The following PDIA3 variants were observed in gnomAD, a reference collection of about 807,000 sequenced individuals.
PDIA3 encodes the protein protein disulfide isomerase family A member 3, also known as protein disulfide-isomerase A3.
A neutral mutation model predicts 56.9 loss-of-function variants in PDIA3; 16 were observed. The observed-to-expected ratio is 0.28, with a 90% CI of 0.19 to 0.43. The LOEUF is 0.43. Among genes scored for constraint, PDIA3 ranks in the 20% least tolerant of loss-of-function variants. PDIA3 has a pLI of 1.00. For missense variants in PDIA3, 485 were observed against 621.3 expected (o/e 0.78, Z 2.33); for synonymous variants, 192 against 216.5 (o/e 0.89, Z 0.99).
chr15:43,760,219 C>A (rs2086805470), intron 3 of PDIA3, among the ~76,000 whole-genome samples: 2 of 151,860 alleles, frequency 1.3e-5, no homozygotes, highest in Non-Finnish European at 2.9e-5. Context: ...AGTGAGACCC[C>A]GTCTTTATAA....
At chr15:43,749,518 G>T (rs1032307464) in intron 1 of PDIA3, among the ~76,000 whole-genome samples, 1 of 152,172 alleles carries the variant, frequency 6.6e-6, no homozygotes. Context: ...ATGGGGTCTG[G>T]CCCTGTTGTG....
chr15:43,766,987 A>G, intron 8 of PDIA3, 77 bp downstream of exon 8: 2 of 1,283,096 alleles, frequency 1.6e-6, no homozygotes, highest in Non-Finnish European at 2.3e-6. Context: ...TCTAAAGAAC[A>G]ATAACCCTGG....
At chr15:43,752,623 A>G (rs142704078) in intron 1 of PDIA3, among the ~76,000 whole-genome samples, 1,579 of 152,306 alleles carry the variant, frequency 0.01, 13 homozygotes, top group Middle Eastern at 0.024. Context: ...TTTATACTTT[A>G]ATAGGCCGCC....
intron 9 of PDIA3, among the ~76,000 whole-genome samples, chr15:43,769,105 A>G (rs892840678): frequency 1.3e-5 from 2 of 151,850 alleles, no homozygotes; most frequent in Non-Finnish European, 2.9e-5. Context: ...TTTCTGATGA[A>G]ATTTATATTG....
rs149721349 is a variant in PDIA3 at position 43,756,672 on chromosome 15, C to T, written c.270C>T (p.Asn90=). ...LAKVDCTANT[N]TCNKYGVSGY... ...AGGTTGATTGCACTGCCAACACTAA[C>T]ACCTGTAATAAATATGGAGTCAGTG... Residue 90 remains asparagine, a synonymous_variant, in exon 3 of 13, where the codon AAC becomes AAT. Coordinates refer to ENST00000300289, the MANE Select transcript of PDIA3 (RefSeq NM_005313.5). The T allele has an allele frequency of 2.1e-4, 344 of 1,603,730 alleles. 2 individuals carry two copies. In the East Asian group the frequency reaches 7.2e-3, roughly 34 times the overall value.
In PDIA3 at chr15:43,771,669, T is replaced by A. The variant is rs1383957794; in HGVS notation, c.*451T>A. The A allele has an allele frequency of 7.5e-6, 3 of 398,818 alleles. No individual in the cohort carries two copies. The East Asian group carries it at 1.1e-4, about 14-fold the overall frequency. 24.7% of individuals were successfully genotyped at this position (398,818 alleles called of 1,614,324 possible). A position where few individuals can be genotyped will look rare whatever the true frequency, so the allele number is the denominator to read the frequency against. On this transcript the variant is annotated 3_prime_UTR_variant, in exon 13 of 13. Coordinates refer to ENST00000300289, the MANE Select transcript of PDIA3 (RefSeq NM_005313.5). ...TCAGTACAGGTAGCTACGGAGCATC[T>A]GAAATATGGCTAGAAACTACATTTT...
chr15:43,751,494 A>T, intron 1 of PDIA3: 2 of 796,616 alleles, frequency 2.5e-6, no homozygotes, highest in Non-Finnish European at 3.7e-6. Flanking sequence ...ATTGTGTTTT[A>T]ATATTTTCTA....
intron 12 of PDIA3, 139 bp from the exon 13 acceptor site, chr15:43,770,966 T>C: frequency 1.6e-6 from 1 of 642,138 alleles, no homozygotes; most frequent in South Asian, 2.0e-5. Context: ...TTTATTTAAC[T>C]AAAATCTCTT....
intron 12 of PDIA3, 63 bp downstream of exon 12, chr15:43,770,643 A>G (rs2086875577): frequency 1.9e-6 from 2 of 1,038,010 alleles, no homozygotes; most frequent in South Asian, 2.7e-5. Context: ...AACCTTAAAC[A>G]TAGTTCTTTA....
intron 3 of PDIA3, among the ~76,000 whole-genome samples, chr15:43,759,140 A>C (rs889179125): frequency 1.3e-5 from 2 of 151,998 alleles, no homozygotes; most frequent in African/African-American, 2.4e-5. Context: ...AATACAAAAA[A>C]TTAGCCGGGT....
At chr15:43,755,258 G>C (rs760315761) in intron 2 of PDIA3, among the ~76,000 whole-genome samples, 4 of 152,108 alleles carry the variant, frequency 2.6e-5, no homozygotes, top group Non-Finnish European at 5.9e-5. Flanking sequence ...ACCCAGGGGG[G>C]CGGAGGTTGC....
chr15:43,754,364 A>G (rs2086763661), intron 2 of PDIA3, among the ~76,000 whole-genome samples: 2 of 149,828 alleles, frequency 1.3e-5, no homozygotes, highest in Admixed American at 1.3e-4. Context: ...ACTGCACTCC[A>G]GCCTGGTGAC....
intron 2 of PDIA3, among the ~76,000 whole-genome samples, chr15:43,755,291 G>A (rs914900932): frequency 1.3e-5 from 2 of 152,044 alleles, no homozygotes; most frequent in African/African-American, 2.4e-5. Context: ...TCATGGCACT[G>A]TACTCCAGCC....
At chr15:43,769,291 T>A (rs1197585373) in intron 9 of PDIA3, among the ~76,000 whole-genome samples, 1 of 152,236 alleles carries the variant, frequency 6.6e-6, no homozygotes, top group East Asian at 1.9e-4. Context: ...AGCACTTCTA[T>A]GTCCTGTAAC....
intron 12 of PDIA3, 51 bp from the exon 13 acceptor site, chr15:43,771,054 A>G (rs766225604): frequency 2.4e-6 from 3 of 1,245,242 alleles, no homozygotes; most frequent in Non-Finnish European, 3.5e-6. Context: ...GGTGGGGCAG[A>G]TCAGGGTTCT....
At chr15:43,768,644 C>T (rs2086862975) in intron 9 of PDIA3, 47 bp downstream of exon 9, 1 of 1,246,246 alleles carries the variant, frequency 8.0e-7, no homozygotes, top group Non-Finnish European at 1.2e-6. Flanking sequence ...TGCCTGTCCT[C>T]ATTTCTTTGT....
intron 5 of PDIA3, among the ~76,000 whole-genome samples, chr15:43,764,836 C>T (rs898721270): frequency 2.6e-5 from 4 of 152,100 alleles, no homozygotes; most frequent in Admixed American, 2.0e-4. Context: ...AGCTGAAGCC[C>T]AGAAGGATTA....
chr15:43,765,166 G>A (rs2086840095), intron 5 of PDIA3, among the ~76,000 whole-genome samples: 1 of 152,018 alleles, frequency 6.6e-6, no homozygotes, highest in Admixed American at 6.6e-5. Context: ...GCTTGAGCCT[G>A]GGAGTTCAAG....
chr15:43,761,857 T>C (rs1013865242), intron 4 of PDIA3, among the ~76,000 whole-genome samples: 2 of 152,160 alleles, frequency 1.3e-5, no homozygotes, highest in African/African-American at 4.8e-5. Flanking sequence ...TAGGAATATC[T>C]TCAGCGTTTT....
Sources: allele counts gnomAD v4.1 joint callset (sites outside exome capture counted in the v4.1 genomes callset), GRCh38; gene constraint gnomAD v4.1.1; transcripts MANE v1.5; gene names NCBI Gene and HGNC (gene_info 2026-07-23, HGNC 2026-07-21).